Variants in CTNND2 observed in about 807,000 individuals in gnomAD.
The protein encoded by CTNND2 is catenin delta-2.
Under a neutral mutation model 144.4 loss-of-function variants are expected in CTNND2, and 22 were observed. The observed-to-expected ratio is 0.15, with a 90% CI of 0.11 to 0.22. CTNND2 has a LOEUF of 0.22. Among genes scored for constraint, CTNND2 ranks in the 10% least tolerant of loss-of-function variants. CTNND2 has a pLI of 1.00. For synonymous variants in CTNND2, 751 were observed against 695.6 expected, an observed-to-expected ratio of 1.08 and a Z score of -1.25; for missense variants, 1,353 against 1,618.8, an observed-to-expected ratio of 0.84 and a Z score of 2.82.
At chr5:11,226,894 T>G (rs755634414) in intron 10 of CTNND2, among the ~76,000 whole-genome samples, 2 of 152,240 alleles carry the variant, frequency 1.3e-5, no homozygotes, top group African/African-American at 4.8e-5. Context: ...TCAGTGATTA[T>G]CTGTTGAATA....
intron 3 of CTNND2, among the ~76,000 whole-genome samples, chr5:11,502,839 A>T (rs890854191): frequency 2.6e-5 from 4 of 152,206 alleles, no homozygotes; most frequent in Non-Finnish European, 5.9e-5. Flanking sequence ...CTATGAAAGA[A>T]GGGACCTAGA....
chr5:11,587,240 G>A (rs1778933298), intron 2 of CTNND2, among the ~76,000 whole-genome samples: 1 of 152,144 alleles, frequency 6.6e-6, no homozygotes, highest in South Asian at 2.1e-4. Context: ...CACTTCCAAA[G>A]GTCAAAGTTT....
intron 9 of CTNND2, among the ~76,000 whole-genome samples, chr5:11,244,892 C>T (rs1346420268): frequency 6.6e-6 from 1 of 152,222 alleles, no homozygotes; most frequent in Non-Finnish European, 1.5e-5. Context: ...TCCTTCCAAT[C>T]AGATATTCCC....
chr5:11,282,664 A>G (rs906209586), intron 9 of CTNND2, among the ~76,000 whole-genome samples: 5 of 152,188 alleles, frequency 3.3e-5, no homozygotes, highest in African/African-American at 1.2e-4. Flanking sequence ...TATGATTTAC[A>G]TATCTTTTTT....
intron 9 of CTNND2, among the ~76,000 whole-genome samples, chr5:11,338,164 G>A (rs1048414951): frequency 4.6e-5 from 7 of 152,186 alleles, no homozygotes; most frequent in African/African-American, 1.7e-4. Context: ...GTGTTAGGGA[G>A]GGTGAACTAC....
intron 8 of CTNND2, among the ~76,000 whole-genome samples, chr5:11,359,986 T>C (rs1315763249): frequency 1.3e-5 from 2 of 152,198 alleles, no homozygotes; most frequent in African/African-American, 4.8e-5. Flanking sequence ...ATTACATAGA[T>C]GTTCCTATAT....
intron 8 of CTNND2, among the ~76,000 whole-genome samples, chr5:11,356,944 A>G (rs1282375429): frequency 6.6e-6 from 1 of 152,082 alleles, no homozygotes; most frequent in Non-Finnish European, 1.5e-5. Context: ...AAACATAACT[A>G]ATCATCAGGG....
At chr5:11,708,900 A>G (rs1047395609) in intron 2 of CTNND2, among the ~76,000 whole-genome samples, 7 of 152,218 alleles carry the variant, frequency 4.6e-5, no homozygotes, top group South Asian at 2.1e-4. Context: ...TGAATATCAT[A>G]TAAGTAGAAT....
chr5:11,103,848 A>G (rs949609620), intron 14 of CTNND2, among the ~76,000 whole-genome samples: 7 of 152,232 alleles, frequency 4.6e-5, no homozygotes, highest in African/African-American at 1.7e-4. Context: ...ACAATTTACA[A>G]GACTCTTCTC....
At chr5:11,357,369 G>A (rs1377649159) in intron 8 of CTNND2, among the ~76,000 whole-genome samples, 1 of 152,040 alleles carries the variant, frequency 6.6e-6, no homozygotes, top group Non-Finnish European at 1.5e-5. Context: ...ATGAAATCCT[G>A]CCATTTGTGA....
intron 2 of CTNND2, among the ~76,000 whole-genome samples, chr5:11,589,991 G>C (rs953573269): frequency 3.3e-5 from 5 of 151,828 alleles, no homozygotes; most frequent in African/African-American, 1.2e-4. Flanking sequence ...GCTGTATTTA[G>C]TATTAGTTCA....
chr5:11,070,987 A>G (rs905660037), intron 16 of CTNND2, among the ~76,000 whole-genome samples: 2 of 151,144 alleles, frequency 1.3e-5, no homozygotes, highest in Non-Finnish European at 3.0e-5. Flanking sequence ...GGAGGAAGGG[A>G]GGAGAGGAGA....
intron 9 of CTNND2, among the ~76,000 whole-genome samples, chr5:11,294,040 G>C (rs1224680970): frequency 6.6e-6 from 1 of 151,694 alleles, no homozygotes; most frequent in Non-Finnish European, 1.5e-5. Context: ...CGTAATTATA[G>C]TAAGCCATGA....
intron 6 of CTNND2, among the ~76,000 whole-genome samples, chr5:11,393,224 C>T (rs990936721): frequency 6.6e-6 from 1 of 152,190 alleles, no homozygotes; most frequent in East Asian, 1.9e-4. Context: ...TTTTCTAGAA[C>T]ACTTACCACT....
chr5:11,754,776 C>T (rs1292766328), intron 1 of CTNND2, among the ~76,000 whole-genome samples: 1 of 151,576 alleles, frequency 6.6e-6, no homozygotes, highest in East Asian at 1.9e-4. Flanking sequence ...GAATAGCAGC[C>T]CCTGCTTTTT....
intron 16 of CTNND2, among the ~76,000 whole-genome samples, chr5:11,082,279 T>G (rs1356582391): frequency 1.2e-4 from 18 of 152,226 alleles, no homozygotes; most frequent in Admixed American, 1.1e-3. Context: ...TAAAGAGAGA[T>G]AATTTCTTAA....
At chr5:11,511,898 G>A (rs1238271290) in intron 3 of CTNND2, among the ~76,000 whole-genome samples, 1 of 152,148 alleles carries the variant, frequency 6.6e-6, no homozygotes, top group Admixed American at 6.5e-5. Context: ...ACTTCTGACT[G>A]CCCTTGGACA....
intron 3 of CTNND2, among the ~76,000 whole-genome samples, chr5:11,432,146 T>A (rs1191030604): frequency 1.4e-5 from 2 of 144,678 alleles, no homozygotes; most frequent in East Asian, 4.0e-4. Context: ...TTTTTTAAGT[T>A]AAGGGCTTAA....
intron 16 of CTNND2, 53 bp downstream of exon 16, chr5:11,082,643 G>C: frequency 1.3e-6 from 2 of 1,594,700 alleles, no homozygotes; most frequent in South Asian, 1.1e-5. Flanking sequence ...CCTACCCCTA[G>C]AGAAAATATT....
Sources: allele counts gnomAD v4.1 joint callset (sites outside exome capture counted in the v4.1 genomes callset), GRCh38; gene constraint gnomAD v4.1.1; transcripts MANE v1.5; gene names NCBI Gene and HGNC (gene_info 2026-07-23, HGNC 2026-07-21).